RBFOX2: variants seen among roughly 807,000 people sequenced by gnomAD.
RBFOX2 encodes the protein RNA binding protein fox-1 homolog 2.
In RBFOX2, 10 loss-of-function variants were observed where a neutral mutation model predicts 49.1. The ratio of observed to expected loss-of-function variants is 0.20; its 90% CI spans 0.13 to 0.35. RBFOX2 has a LOEUF of 0.35. RBFOX2 is among the 10% of genes least tolerant of loss of function. The pLI is 1.00. For synonymous variants in RBFOX2, 183 were observed against 187.4 expected (o/e 0.98, Z 0.19); for missense variants, 323 against 486.9 (o/e 0.66, Z 3.17).
At chr22:35,997,398 A>G (rs1237040705) in intron 1 of RBFOX2, 2 of 152,264 alleles carry the variant, frequency 1.3e-5, no homozygotes, top group Non-Finnish European at 2.9e-5. Flanking sequence ...CCTGCCATCA[A>G]TAACACTGTT....
At chr22:35,767,766 A>G (rs1941454382) in intron 5 of RBFOX2, among the ~76,000 whole-genome samples, 1 of 152,186 alleles carries the variant, frequency 6.6e-6, no homozygotes, top group Admixed American at 6.5e-5. Context: ...AGAATCTTCT[A>G]TTTCGTGCTT....
intron 1 of RBFOX2, among the ~76,000 whole-genome samples, chr22:35,987,697 G>C (rs999445792): frequency 2.6e-5 from 4 of 152,304 alleles, no homozygotes; most frequent in African/African-American, 7.2e-5. Flanking sequence ...GAACCCATGA[G>C]AGGAGGCAGC....
At chr22:35,919,896 G>A (rs1441370998) in intron 1 of RBFOX2, among the ~76,000 whole-genome samples, 1 of 152,082 alleles carries the variant, frequency 6.6e-6, no homozygotes, top group African/African-American at 2.4e-5. Context: ...CCTTTCCTAC[G>A]AAAACGACTG....
chr22:35,862,231 A>G (rs1050845414), intron 1 of RBFOX2, among the ~76,000 whole-genome samples: 2 of 152,182 alleles, frequency 1.3e-5, no homozygotes, highest in African/African-American at 4.8e-5. Flanking sequence ...GTATATACAT[A>G]TGCCAAAACC....
intron 1 of RBFOX2, among the ~76,000 whole-genome samples, chr22:35,932,270 A>G (rs1306427368): frequency 6.6e-6 from 1 of 152,156 alleles, no homozygotes; most frequent in Non-Finnish European, 1.5e-5. Context: ...CATTGCAAAA[A>G]TTTGACTAAA....
chr22:36,004,366 G>A (rs183234292), intron 1 of RBFOX2, among the ~76,000 whole-genome samples: 214 of 152,206 alleles, frequency 1.4e-3, no homozygotes, highest in Non-Finnish European at 2.4e-3. Flanking sequence ...TCTCAAACTC[G>A]TAGGAAAAGC....
intron 1 of RBFOX2, among the ~76,000 whole-genome samples, chr22:35,876,270 G>A (rs2045070521): frequency 6.6e-6 from 1 of 151,804 alleles, no homozygotes; most frequent in Non-Finnish European, 1.5e-5. Context: ...CTGTCACCCA[G>A]GCTAGAGTGC....
intron 1 of RBFOX2, among the ~76,000 whole-genome samples, chr22:35,852,896 G>A (rs2042101290): frequency 6.6e-6 from 1 of 152,162 alleles, no homozygotes; most frequent in Non-Finnish European, 1.5e-5. Flanking sequence ...AAGCATGAAA[G>A]TGATCCCCAA....
In RBFOX2 at chr22:35,773,580, A is replaced by T. The variant is rs5755944; in HGVS notation, c.453+4445T>A. 5.3e-3 allele frequency among the ~76,000 whole-genome samples: 810 copies of T among 152,200 alleles called. 35 individuals carry two copies. The East Asian group carries it at 0.12, about 22-fold the overall frequency. ...TATCAATTTTTAAAAAAGAAAAAAA[A>T]TTGCTAGAAATCTAAATAATTATTG... On this transcript the variant is annotated intron_variant, in intron 4 of 11. Transcript: ENST00000405409.
At chr22:35,782,893 C>T (rs1945504576) in intron 2 of RBFOX2, among the ~76,000 whole-genome samples, 1 of 152,120 alleles carries the variant, frequency 6.6e-6, no homozygotes, top group Non-Finnish European at 1.5e-5. Flanking sequence ...TTTTTGCACT[C>T]ATTTTAATGG....
At chr22:35,905,735 C>T (rs2049050489) in intron 1 of RBFOX2, among the ~76,000 whole-genome samples, 2 of 152,004 alleles carry the variant, frequency 1.3e-5, no homozygotes, top group African/African-American at 4.8e-5. Flanking sequence ...AACAGTATAG[C>T]CTTGGGGGAG....
chr22:35,840,487 A>G (rs1958549164), exon 1 of RBFOX2: 2 of 1,365,642 alleles, frequency 1.5e-6, no homozygotes, highest in Non-Finnish European at 1.9e-6. Context: ...CTGAATGCCT[A>G]AGGTAATTAA....
At chr22:35,949,613 A>T (rs2054690602) in intron 1 of RBFOX2, among the ~76,000 whole-genome samples, 1 of 152,054 alleles carries the variant, frequency 6.6e-6, no homozygotes, top group South Asian at 2.1e-4. Flanking sequence ...GTGTTATCTC[A>T]TTGTTTTGAT....
At chr22:35,835,325 T>C (rs749502463) in intron 1 of RBFOX2, among the ~76,000 whole-genome samples, 1 of 152,146 alleles carries the variant, frequency 6.6e-6, no homozygotes, top group Non-Finnish European at 1.5e-5. Context: ...TATCACCTAG[T>C]ATGACTGGTT....
At chr22:35,964,791 A>G (rs1442452235), upstream of RBFOX2, among the ~76,000 whole-genome samples, 1 of 152,176 alleles carries the variant, frequency 6.6e-6, no homozygotes, top group Non-Finnish European at 1.5e-5. Context: ...AGTTAGCATC[A>G]TTCTCTCCTA....
Position 35,746,894 on chromosome 22 carries a change from C to T in RBFOX2, c.888-333G>A, listed in dbSNP as rs79008190. ...CAGTCTTTGTTGGAACTTTCAAAAGCGAAAATATTTACAGCAAGTTGGGAG... is the reference window on the plus strand; with the variant it reads ...CAGTCTTTGTTGGAACTTTCAAAAGTGAAAATATTTACAGCAAGTTGGGAG... On this transcript the variant is annotated intron_variant, in intron 9 of 11. Coordinates refer to ENST00000405409, the Ensembl canonical transcript of RBFOX2. 456 of 208,914 alleles carry T rather than the reference C, an allele frequency of 2.2e-3. 1 individual carries two copies. Among genetic ancestry groups the T allele is most frequent in the African/African-American group, 9.6e-3 (421 of 43,672 alleles). 12.9% of individuals were successfully genotyped at this position (208,914 alleles called of 1,614,324 possible).
At chr22:35,804,338 A>T (rs80153766) in intron 2 of RBFOX2, among the ~76,000 whole-genome samples, 7,306 of 152,164 alleles carry the variant, frequency 0.048, 599 homozygotes, top group African/African-American at 0.16. Context: ...GGAAAAAAAA[A>T]TTTGAAGAAA....
In RBFOX2 at chr22:35,821,968, A is replaced by G. The variant is rs767388321; in HGVS notation, c.28-11964T>C. The G allele has an allele frequency of 2.7e-5, 14 of 518,554 alleles. No individual in the cohort carries two copies. The African/African-American group carries it at 2.7e-4, about 10-fold the overall frequency. The allele number at this position is 518,554 out of a possible 1,614,324, so 32.1% of individuals were successfully genotyped here. On this transcript the variant is annotated intron_variant, in intron 1 of 11. Coordinates refer to ENST00000405409, the Ensembl canonical transcript of RBFOX2. Reference sequence around the variant, plus strand: ...CTTTGGATGGAAAGGACAGAGAAGCAATAGCTCTACACAACCTTCCTGAAG... The same window carrying G: ...CTTTGGATGGAAAGGACAGAGAAGCGATAGCTCTACACAACCTTCCTGAAG...
intron 1 of RBFOX2, among the ~76,000 whole-genome samples, chr22:35,975,993 C>T (rs1310337943): frequency 6.6e-6 from 1 of 152,180 alleles, no homozygotes; most frequent in Non-Finnish European, 1.5e-5. Flanking sequence ...GCTCCCACCC[C>T]CAAATGTATT....
Sources: gnomAD v4.1 joint callset for allele counts (sites outside exome capture counted in the v4.1 genomes callset) on GRCh38, gnomAD v4.1.1 for gene constraint, MANE v1.5 for transcripts, NCBI Gene and HGNC (gene_info 2026-07-23, HGNC 2026-07-21) for gene names.